The following CASKIN2 variants were observed in gnomAD, a reference collection of about 807,000 sequenced individuals.
The protein encoded by CASKIN2 is caskin-2.
A neutral mutation model predicts 107.1 loss-of-function variants in CASKIN2; 41 were observed. That is an observed-to-expected ratio of 0.38 (90% confidence interval 0.30 to 0.50). The LOEUF is 0.50. Ranked by LOEUF, CASKIN2 falls within the 20% of genes least tolerant of loss-of-function variation. The probability of loss-of-function intolerance (pLI) is 0.92; values close to 1 mark genes in which losing one functional copy is unlikely to be tolerated. For missense variants in CASKIN2, 1,546 were observed against 1,657.4 expected (o/e 0.93, Z 1.17); for synonymous variants, 724 against 705.6 (o/e 1.03, Z -0.41).
At position 75,505,196 on chromosome 17, in the gene CASKIN2, G is replaced by A. The variant is rs1047321272; in HGVS notation, c.931-123C>T. 1.8e-6 allele frequency: 2 copies of A among 1,088,814 alleles called. No individual in the cohort carries two copies. The highest frequency in any genetic ancestry group is 2.8e-5 in the South Asian group (2 of 71,836). 67.4% of individuals were successfully genotyped at this position (1,088,814 alleles called of 1,614,324 possible). On this transcript the variant is annotated intron_variant, in intron 10 of 19. Coordinates refer to ENST00000321617, the MANE Select transcript of CASKIN2 (RefSeq NM_020753.5). The surrounding 1 kb of genome is among the most constrained non-coding windows in gnomAD (Gnocchi z 5.1). ...CTCTTTCCCTACCCCTAAGGAGCTG[G>A]CCTCTGATGCCCACACTGGCCCAAG...
chr17:75,503,241 C>A lies in CASKIN2; in HGVS notation c.1833G>T (p.Lys611Asn). The A allele has an allele frequency of 6.3e-7, 1 of 1,589,938 alleles. No individual in the cohort carries two copies. Residue 611 changes from lysine (K) to asparagine (N), a missense_variant, in exon 18 of 20, where the codon AAG becomes AAT. Transcript: ENST00000321617. Reference protein sequence around the residue: ...IGVNKLGHQKKLMLGVKRLAE... With the variant: ...IGVNKLGHQKNLMLGVKRLAE... ...CCAGCCGCTTCACCCCCAGCATGAG[C>A]TTCTTCTGATGCCCTGAGATGGGGG...
intron 1 of CASKIN2, among the ~76,000 whole-genome samples, chr17:75,514,835 G>A (rs1193928427): frequency 1.3e-5 from 2 of 152,188 alleles, no homozygotes; most frequent in Non-Finnish European, 2.9e-5. Flanking sequence ...GTCGGGTGGA[G>A]GAGCAGCTGG....
chr17:75,502,163 G>C lies in CASKIN2; in HGVS notation c.2911C>G (p.Pro971Ala). Residue 971 changes from proline (P) to alanine (A), a missense_variant, in exon 18 of 20, where the codon CCC (proline) becomes GCC (alanine). Physicochemically the swap from Pro to Ala is conservative, Grantham distance 27 (BLOSUM62 -1). Transcript: ENST00000321617. This position sits in a 1 kb window ranked among gnomAD's most constrained non-coding sequence, Gnocchi z 4.3. ...KQRPKPAGPP[P>A]RETPVPPGLD... is the part of the protein sequence containing the mutation. ...CCGGGGGGCACGGGTGTCTCTCGGG[G>C]CGGGGGGCCAGCGGGCTTCGGGCGC... 6.2e-7 allele frequency: 1 copy of C among 1,601,398 alleles called. No homozygotes were observed. The highest frequency in any genetic ancestry group is 8.5e-7 in the Non-Finnish European group (1 of 1,179,618).
intron 4 of CASKIN2, 126 bp from the exon 5 acceptor site, chr17:75,507,255 C>G: frequency 8.9e-7 from 1 of 1,118,632 alleles, no homozygotes; most frequent in Non-Finnish European, 1.2e-6. Context: ...AATGCTGGCT[C>G]TATCCAGGTG....
rs543658122 is a variant in CASKIN2 at position 75,502,629 on chromosome 17, G to A, written c.2445C>T (p.Ala815=). The A allele has an allele frequency of 4.4e-5, 71 of 1,605,208 alleles. No individual in the cohort carries two copies. The highest frequency in any genetic ancestry group is 1.6e-4 in the Middle Eastern group (1 of 6,070). Reference sequence around the variant, plus strand: ...CTAGGGTGCTGCCCACTGGCCCTTCGGCCTCCCCCTCAGCATCCCCCTCTG... The same window carrying A: ...CTAGGGTGCTGCCCACTGGCCCTTCAGCCTCCCCCTCAGCATCCCCCTCTG... The part of the protein sequence containing the change: ...GPTEGDAEGE[A]EGPVGSTLGS... Residue 815 remains alanine (A), a synonymous_variant, in exon 18 of 20, where the codon GCC becomes GCT. Coordinates refer to ENST00000321617, the MANE Select transcript of CASKIN2 (RefSeq NM_020753.5). The surrounding 1 kb of genome is among the most constrained non-coding windows in gnomAD (Gnocchi z 4.3).
At chr17:75,512,265 C>T (rs1052852421) in intron 2 of CASKIN2, among the ~76,000 whole-genome samples, 2 of 152,242 alleles carry the variant, frequency 1.3e-5, no homozygotes, top group African/African-American at 4.8e-5. Flanking sequence ...GGAACTCCTC[C>T]TGCCTCAGTC....
At position 75,513,777 on chromosome 17, in the gene CASKIN2, C is replaced by T. The variant is rs753044080; in HGVS notation, c.28G>A (p.Ala10Thr). 6.2e-7 allele frequency: 1 copy of T among 1,613,808 alleles called. No homozygotes were observed. Among genetic ancestry groups the T allele is most frequent in the Non-Finnish European group, 8.5e-7 (1 of 1,180,006 alleles). ...CCGGTCACATCTCCATTCTTGACGG[C>T]GAGGATCAGGTCCTGTTCACGACCC... MGREQDLIL[A>T]VKNGDVTGVQ... The change falls in exon 2 of 20, where the codon GCC (alanine) becomes ACC (threonine). Residue 10 changes from alanine (A) to threonine (T), a missense_variant. Coordinates refer to ENST00000321617, the MANE Select transcript of CASKIN2 (RefSeq NM_020753.5).
chr17:75,501,980 G>A lies in CASKIN2; in HGVS notation c.3094C>T (p.Pro1032Ser), dbSNP rs150879399. 1.0e-4 allele frequency: 166 copies of A among 1,611,974 alleles called. No homozygotes were observed. In the African/African-American group the frequency reaches 1.9e-3, roughly 19 times the overall value. ...LPSPTPGESP[P>S]ASSLPQPEPS... ...TCGGGCTGGGGAAGGCTAGAAGCTGGAGGAGACTCGCCAGGAGTTGGGGAA... is the reference window on the plus strand; with the variant it reads ...TCGGGCTGGGGAAGGCTAGAAGCTGAAGGAGACTCGCCAGGAGTTGGGGAA... The change falls in exon 18 of 20, where the codon CCA becomes TCA. Residue 1032 changes from proline to serine, a missense_variant. Around this residue, in one of 6 missense-constraint regions of CASKIN2, gnomAD observed 1,311 missense variants for 1,311.0 expected, o/e 1.00. Transcript: ENST00000321617.
Position 75,507,653 on chromosome 17 carries a change from C to A in CASKIN2, c.175G>T (p.Gly59Trp), listed in dbSNP as rs760354425. Residue 59 changes from glycine (G) to tryptophan (W), a missense_variant, in exon 4 of 20, where the codon GGG (glycine) becomes TGG (tryptophan). Coordinates refer to ENST00000321617, the MANE Select transcript of CASKIN2 (RefSeq NM_020753.5). ...GFSALHHAAL[G>W]GSLELIALLL... ...AAGGCTATGAGCTCCAGGCTGCCCC[C>A]CAAAGCAGCGTGGTGGAGGGCAGAG... 1.2e-6 allele frequency: 2 copies of A among 1,612,974 alleles called. No individual in the cohort carries two copies. Among genetic ancestry groups the A allele is most frequent in the South Asian group, 1.1e-5 (1 of 91,016 alleles).
intron 14 of CASKIN2, 27 bp from the exon 15 acceptor site, chr17:75,503,989 T>A (rs760944961): frequency 1.6e-5 from 25 of 1,587,050 alleles, no homozygotes; most frequent in Non-Finnish European, 2.1e-5. Context: ...GGGGGCAGAA[T>A]TAGCAGGAGC....
At position 75,502,029 on chromosome 17, in the gene CASKIN2, C is replaced by G; in HGVS notation, c.3045G>C (p.Thr1015=). ...ALLAFGVASA[T]PGPAAPLPSP... is the part of the protein sequence containing the mutation. The stretch of plus-strand genomic sequence containing the variant: ...AAGGCAGTGGGGCAGCGGGGCCAGG[C>G]GTGGCACTGGCCACTCCGAAGGCCA... Residue 1015 remains threonine, a synonymous_variant, in exon 18 of 20, where the codon ACG becomes ACC. Coordinates refer to ENST00000321617, the MANE Select transcript of CASKIN2 (RefSeq NM_020753.5). The surrounding 1 kb of genome is among the most constrained non-coding windows in gnomAD (Gnocchi z 4.3). 2 of 1,612,476 alleles carry G rather than the reference C, an allele frequency of 1.2e-6. No individual in the cohort carries two copies. The highest frequency in any genetic ancestry group is 1.3e-5 in the African/African-American group (1 of 74,990).
rs961223866 is a variant in CASKIN2, at chr17:75,503,197, A to C, written c.1877T>G (p.Leu626Arg). Reference sequence around the variant, plus strand: ...TTCGCTGAGGGCCTCCCCCTGCAGCAGGCCCCGCCGAAGCTCCGCCAGCCG... The same window carrying C: ...TTCGCTGAGGGCCTCCCCCTGCAGCCGGCCCCGCCGAAGCTCCGCCAGCCG... Reference protein sequence around the residue: ...VKRLAELRRGLLQGEALSEGG... With the variant: ...VKRLAELRRGRLQGEALSEGG... Residue 626 changes from leucine to arginine, a missense_variant, in exon 18 of 20, where the codon CTG becomes CGG. Physicochemically the swap from Leu to Arg is moderately radical, Grantham distance 102. Coordinates refer to ENST00000321617, the MANE Select transcript of CASKIN2 (RefSeq NM_020753.5). 6.3e-7 allele frequency: 1 copy of C among 1,596,366 alleles called. No individual in the cohort carries two copies. Among genetic ancestry groups the C allele is most frequent in the Non-Finnish European group, 8.5e-7 (1 of 1,174,084 alleles).
At position 75,508,118 on chromosome 17, in the gene CASKIN2, C is replaced by T. The variant is rs557219055; in HGVS notation, c.146+116G>A. 8.5e-6 allele frequency: 10 copies of T among 1,175,732 alleles called. No homozygotes were observed. The African/African-American group carries it at 1.1e-4, about 13-fold the overall frequency. 72.8% of individuals were successfully genotyped at this position (1,175,732 alleles called of 1,614,324 possible). Reference sequence around the variant, plus strand: ...GCTCGCAGCAAATACACTTCCAGGGCCAAGTCTGAGAGGGAAAGGGACCCT... The same window carrying T: ...GCTCGCAGCAAATACACTTCCAGGGTCAAGTCTGAGAGGGAAAGGGACCCT... On this transcript the variant is annotated intron_variant, in intron 3 of 19. Transcript: ENST00000321617.
Position 75,501,081 on chromosome 17 carries a change from C to T in CASKIN2, c.3608G>A (p.Ter1203=). ...LADQLDAMLD[*] ...TCACAGTGGGCACTGCTGGAGGGCT[C>T]AGTCCAGCATGGCGTCCAGCTGGTC... Residue 1203 remains the stop codon, a stop_retained_variant, in exon 20 of 20, where the codon TGA becomes TAA. Coordinates refer to ENST00000321617, the MANE Select transcript of CASKIN2 (RefSeq NM_020753.5). 1 of 1,569,408 alleles carries T rather than the reference C, an allele frequency of 6.4e-7. No individual in the cohort carries two copies. The highest frequency in any genetic ancestry group is 8.6e-7 in the Non-Finnish European group (1 of 1,157,388).
In CASKIN2 at chr17:75,505,906, C is replaced by G. The variant is rs1217204592; in HGVS notation, c.750G>C (p.Arg250=). 1 of 1,613,628 alleles carries G rather than the reference C, an allele frequency of 6.2e-7. No individual in the cohort carries two copies. ...CCAGCGCCGTCTGGTTATACGTATTCCGGATGTTCACGTCCACACCTCCCT... is the reference window on the plus strand; with the variant it reads ...CCAGCGCCGTCTGGTTATACGTATTGCGGATGTTCACGTCCACACCTCCCT... ...LLEGGVDVNI[R]NTYNQTALDI... Residue 250 remains arginine, a synonymous_variant, in exon 9 of 20, where the codon CGG becomes CGC. Coordinates refer to ENST00000321617, the MANE Select transcript of CASKIN2 (RefSeq NM_020753.5). The surrounding 1 kb of genome is among the most constrained non-coding windows in gnomAD (Gnocchi z 5.1).
At position 75,501,657 on chromosome 17, in the gene CASKIN2, G is replaced by C. The variant is rs369279755; in HGVS notation, c.3329C>G (p.Thr1110Ser). 6.3e-7 allele frequency: 1 copy of C among 1,586,872 alleles called. No homozygotes were observed. Among genetic ancestry groups the C allele is most frequent in the African/African-American group, 1.3e-5 (1 of 74,526 alleles). Residue 1110 changes from threonine to serine, a missense_variant, in exon 19 of 20, where the codon ACC becomes AGC. Around this residue, in one of 6 missense-constraint regions of CASKIN2, gnomAD observed 1,311 missense variants for 1,311.0 expected, o/e 1.00. Transcript: ENST00000321617. The stretch of plus-strand genomic sequence containing the variant: ...CTTAGGGCCAGAAAATGCCAGCTGG[G>C]TGCAGGCCACCGACACAGGCTTGGG... ...TAPKPVSVACTQLAFSGPKLA... is the reference protein window; with the variant it reads ...TAPKPVSVACSQLAFSGPKLA...
In CASKIN2 at chr17:75,502,958, G is replaced by A. The variant is rs549505985; in HGVS notation, c.2116C>T (p.Arg706Trp). The A allele has an allele frequency of 5.0e-5, 80 of 1,590,736 alleles. No individual in the cohort carries two copies. The Admixed American group carries it at 9.9e-4, about 20-fold the overall frequency. ...TGTTCCTGTGAGTGGCCAGACCCCC[G>A]TGAGCGTGCCCCGATGCTCTCCTGG... ...PSQESIGARS[R>W]GSGHSQEQPA... The change falls in exon 18 of 20, where the codon CGG becomes TGG. Residue 706 changes from arginine to tryptophan, a missense_variant. Around this residue, in one of 6 missense-constraint regions of CASKIN2, gnomAD observed 1,311 missense variants for 1,311.0 expected, o/e 1.00. Transcript: ENST00000321617. This position sits in a 1 kb window ranked among gnomAD's most constrained non-coding sequence, Gnocchi z 4.3.
At position 75,502,327 on chromosome 17, in the gene CASKIN2, G is replaced by A. The variant is rs1260994696; in HGVS notation, c.2747C>T (p.Pro916Leu). 6.1e-6 allele frequency: 9 copies of A among 1,480,900 alleles called. No homozygotes were observed. Among genetic ancestry groups the A allele is most frequent in the South Asian group, 1.4e-5 (1 of 71,622 alleles). 91.7% of individuals were successfully genotyped at this position (1,480,900 alleles called of 1,614,324 possible). The stretch of plus-strand genomic sequence containing the variant: ...CCCAGCCGGGGCAGGTGGGCCAGGG[G>A]GCTCTGAGGGGCCAGCAGGTTCACT... ...TLSEPAGPSEPPGPPAPAGPA... is the reference protein window; with the variant it reads ...TLSEPAGPSELPGPPAPAGPA... Residue 916 changes from proline (P) to leucine (L), a missense_variant, in exon 18 of 20, where the codon CCC becomes CTC. Physicochemically the swap from Pro to Leu is moderately conservative, Grantham distance 98. Around this residue, in one of 6 missense-constraint regions of CASKIN2, gnomAD observed 1,311 missense variants for 1,311.0 expected, o/e 1.00. Transcript: ENST00000321617. This position sits in a 1 kb window ranked among gnomAD's most constrained non-coding sequence, Gnocchi z 4.3.
At position 75,504,448 on chromosome 17, in the gene CASKIN2, C is replaced by T. The variant is rs1364985281; in HGVS notation, c.1347G>A (p.Leu449=). ...CCAGGGACGGCGGGTGGAGTCCTGG[C>T]AGCACCTGGTCCTCTCCAGCAGAGG... ...PLPSAGEDQV[L]PGLHPPSLAD... The change falls in exon 13 of 20, where the codon CTG becomes CTA. Residue 449 remains leucine, a synonymous_variant. Transcript: ENST00000321617. 1 of 1,608,552 alleles carries T rather than the reference C, an allele frequency of 6.2e-7. No homozygotes were observed. The highest frequency in any genetic ancestry group is 8.5e-7 in the Non-Finnish European group (1 of 1,176,518).
Sources: gnomAD v4.1 joint callset for allele counts (sites outside exome capture counted in the v4.1 genomes callset) on GRCh38, gnomAD v4.1.1 for gene constraint, gnomAD v4.1.1 regional missense constraint, Gnocchi (gnomAD v3.1) non-coding constraint, MANE v1.5 for transcripts, NCBI Gene and HGNC (gene_info 2026-07-23, HGNC 2026-07-21) for gene names.